Variants in PEBP4 observed in about 807,000 individuals in gnomAD.
PEBP4 encodes phosphatidylethanolamine binding protein 4, also known as phosphatidylethanolamine-binding protein 4.
A neutral mutation model predicts 23.9 loss-of-function variants in PEBP4; 22 were observed. That is an observed-to-expected ratio of 0.92 (90% CI 0.66 to 1.31). The LOEUF is 1.31. PEBP4 is among the 40% of genes most tolerant of loss of function. The probability of loss-of-function intolerance (pLI) is 0.00; values close to 1 mark genes in which losing one functional copy is unlikely to be tolerated. For missense variants in PEBP4, 324 were observed against 281.7 expected (o/e 1.15, Z -1.07); for synonymous variants, 112 against 99.3 (o/e 1.13, Z -0.76).
At chr8:22,928,921 C>T (rs1454286782), upstream of PEBP4, among the ~76,000 whole-genome samples, 2 of 152,220 alleles carry the variant, frequency 1.3e-5, no homozygotes, top group Admixed American at 6.5e-5. Flanking sequence ...TCAATTCCTG[C>T]CTCCAGGATC....
intron 4 of PEBP4, among the ~76,000 whole-genome samples, chr8:22,812,920 T>G (rs1484051472): frequency 6.6e-6 from 1 of 151,908 alleles, no homozygotes; most frequent in Non-Finnish European, 1.5e-5. Context: ...CCCTGAAGAG[T>G]GAGGATTTCT....
At chr8:22,908,406 C>T (rs1439905457) in intron 3 of PEBP4, among the ~76,000 whole-genome samples, 1 of 151,638 alleles carries the variant, frequency 6.6e-6, no homozygotes, top group Non-Finnish European at 1.5e-5. Context: ...AAAAAAAAAC[C>T]TGTCTAGGAA....
At chr8:22,800,920 C>T (rs779081886) in intron 4 of PEBP4, among the ~76,000 whole-genome samples, 17 of 152,002 alleles carry the variant, frequency 1.1e-4, no homozygotes, top group Non-Finnish European at 2.1e-4. Context: ...GAATATATGC[C>T]CCCCTTTTCT....
intron 3 of PEBP4, among the ~76,000 whole-genome samples, chr8:22,871,143 A>T (rs117495544): frequency 0.011 from 1,613 of 152,256 alleles, 20 homozygotes; most frequent in Non-Finnish European, 0.018. Flanking sequence ...GTGGGTGGAA[A>T]AAGAAGCAGG....
chr8:22,801,381 A>G (rs1806376605), intron 4 of PEBP4, among the ~76,000 whole-genome samples: 1 of 152,136 alleles, frequency 6.6e-6, no homozygotes, highest in Non-Finnish European at 1.5e-5. Flanking sequence ...TGGTGTCAGT[A>G]TCCCTGTACC....
chr8:22,927,727 C>T lies in PEBP4; in HGVS notation c.-6-7G>A, dbSNP rs760738425. ...TTGTCCAACCCATGGGCACCTGGAACAGAAAGAACTTTAGAGCGGCTGGAT... is the reference window on the plus strand; with the variant it reads ...TTGTCCAACCCATGGGCACCTGGAATAGAAAGAACTTTAGAGCGGCTGGAT... On this transcript the variant is annotated splice_region_variant and splice_polypyrimidine_tract_variant and intron_variant, in intron 1 of 6. Transcript: ENST00000256404. 6.2e-7 allele frequency: 1 copy of T among 1,613,354 alleles called. No homozygotes were observed. Among genetic ancestry groups the T allele is most frequent in the South Asian group, 1.1e-5 (1 of 90,932 alleles).
rs553045612 is a variant in PEBP4 at position 22,782,672 on chromosome 8, C to A, written c.357+34965G>T. Among the ~76,000 whole-genome samples, 6 of 152,256 alleles carry A rather than the reference C, an allele frequency of 3.9e-5. No homozygotes were observed. In the South Asian group the frequency reaches 1.2e-3, roughly 32 times the overall value. Reference sequence around the variant, plus strand: ...TGACCACAAATTGCAAAATTGTATACCTCTGTATATGTTTGCATGTATATT... The same window carrying A: ...TGACCACAAATTGCAAAATTGTATAACTCTGTATATGTTTGCATGTATATT... On this transcript the variant is annotated intron_variant, in intron 4 of 6. Coordinates refer to ENST00000256404, the MANE Select transcript of PEBP4 (RefSeq NM_144962.3).
intron 3 of PEBP4, among the ~76,000 whole-genome samples, chr8:22,901,061 T>C (rs954252418): frequency 5.3e-5 from 8 of 152,178 alleles, no homozygotes; most frequent in African/African-American, 1.2e-4. Flanking sequence ...GTAGAAGCAA[T>C]AGCCCTACAC....
At chr8:22,902,445 G>C (rs560866661) in intron 3 of PEBP4, among the ~76,000 whole-genome samples, 3 of 150,902 alleles carry the variant, frequency 2.0e-5, no homozygotes, top group Admixed American at 6.6e-5. Flanking sequence ...GTAGCTTTAT[G>C]GCATGAGGCA....
intron 4 of PEBP4, among the ~76,000 whole-genome samples, chr8:22,813,335 C>T (rs371742966): frequency 2.6e-5 from 4 of 152,104 alleles, no homozygotes; most frequent in South Asian, 2.1e-4. Flanking sequence ...GAATCATTGA[C>T]GGTTTCTAGG....
chr8:22,779,045 G>A (rs943378477), intron 4 of PEBP4, among the ~76,000 whole-genome samples: 4 of 149,962 alleles, frequency 2.7e-5, no homozygotes, highest in African/African-American at 9.8e-5. Context: ...AGAGGCCCTG[G>A]GGAGTAGGTG....
Position 22,724,934 on chromosome 8 carries a change from C to T in PEBP4, c.426G>A (p.Pro142=), listed in dbSNP as rs761277416. ...ELSAYQAPSP[P]AHSGFHRYQF... ...GGTAGCGATGGAAGCCACTGTGTGC[C>T]GGTGGGGAGGGAGCCTGGTAGGCTA... is the stretch of plus-strand genomic sequence containing the variant. The change falls in exon 6 of 7, where the codon CCG becomes CCA. Residue 142 remains proline, a synonymous_variant. Transcript: ENST00000256404. 15 of 1,613,806 alleles carry T rather than the reference C, an allele frequency of 9.3e-6. No homozygotes were observed. The highest frequency in any genetic ancestry group is 8.8e-5 in the South Asian group (8 of 91,072).
Position 22,865,945 on chromosome 8 carries a change from G to GC in PEBP4, c.259-48211_259-48210insG. ...CGCCTCGAGGTGTGGCCCGGCGCCG[G>GC]GCGGTGCTGCCCGGAGAGCGCGCAG... On this transcript the variant is annotated intron_variant, in intron 3 of 6. Transcript: ENST00000256404. This position sits in a 1 kb window ranked among gnomAD's most constrained non-coding sequence, Gnocchi z 6.9. Among the ~76,000 whole-genome samples, 1 of 151,852 alleles carries GC rather than the reference G, an allele frequency of 6.6e-6. No homozygotes were observed. The highest frequency in any genetic ancestry group is 6.6e-5 in the Admixed American group (1 of 15,266).
chr8:22,843,929 T>C (rs1260999721), intron 3 of PEBP4, among the ~76,000 whole-genome samples: 1 of 152,204 alleles, frequency 6.6e-6, no homozygotes, highest in East Asian at 1.9e-4. Context: ...CACTTCGCTC[T>C]TGGGGCCTTG....
intron 3 of PEBP4, among the ~76,000 whole-genome samples, chr8:22,867,006 T>G (rs1807917651): frequency 6.6e-6 from 1 of 151,628 alleles, no homozygotes; most frequent in African/African-American, 2.4e-5. Flanking sequence ...GTTGAAGAAA[T>G]TGCAAGTAAA....
At chr8:22,919,469 G>C (rs1336785627) in intron 3 of PEBP4, among the ~76,000 whole-genome samples, 1 of 152,158 alleles carries the variant, frequency 6.6e-6, no homozygotes, top group Non-Finnish European at 1.5e-5. Context: ...AGACCAGAAG[G>C]CCAGATCAGC....
intron 4 of PEBP4, chr8:22,814,977 G>A (rs1806707894): frequency 6.6e-6 from 1 of 152,082 alleles, no homozygotes; most frequent in Admixed American, 6.5e-5. Flanking sequence ...TGATGGGAGA[G>A]ATGTGATGTG....
intron 3 of PEBP4, among the ~76,000 whole-genome samples, chr8:22,909,168 C>T (rs1191460089): frequency 2.0e-5 from 3 of 152,184 alleles, no homozygotes; most frequent in Non-Finnish European, 2.9e-5. Flanking sequence ...CTATCTCCCC[C>T]TGGTGTCGGC....
intron 2 of PEBP4, chr8:22,925,482 TG>T (rs1215272543): frequency 2.9e-6 from 1 of 350,256 alleles, no homozygotes; most frequent in Non-Finnish European, 4.0e-6. Flanking sequence ...ATCTGCAGAA[TG>T]GGGGTGCTAA....
Sources: allele counts gnomAD v4.1 joint callset (sites outside exome capture counted in the v4.1 genomes callset), GRCh38; gene constraint gnomAD v4.1.1; non-coding constraint Gnocchi (gnomAD v3.1); transcripts MANE v1.5; gene names NCBI Gene and HGNC (gene_info 2026-07-23, HGNC 2026-07-21).